The following CLEC16A variants were observed in gnomAD, a reference collection of about 807,000 sequenced individuals.
CLEC16A encodes the protein C-type lectin domain containing 16A, also known as protein CLEC16A.
Under a neutral mutation model 109.5 loss-of-function variants are expected in CLEC16A, and 51 were observed. That is an observed-to-expected ratio of 0.47 (90% CI 0.37 to 0.59). The LOEUF is 0.59. Ranked by LOEUF, CLEC16A falls within the 20% of genes least tolerant of loss-of-function variation. The pLI, the probability that CLEC16A is intolerant of heterozygous loss-of-function variation, is 0.00. For missense variants in CLEC16A, 1,339 were observed against 1,394.0 expected, an observed-to-expected ratio of 0.96 and a Z score of 0.63; for synonymous variants, 673 against 564.2, an observed-to-expected ratio of 1.19 and a Z score of -2.73.
intron 13 of CLEC16A, among the ~76,000 whole-genome samples, chr16:11,034,533 C>A (rs1253285355): frequency 6.6e-6 from 1 of 152,114 alleles, no homozygotes; most frequent in East Asian, 1.9e-4. Flanking sequence ...ACACCCTTCC[C>A]TTCTGTTTTG....
intron 12 of CLEC16A, among the ~76,000 whole-genome samples, chr16:11,021,608 G>A (rs532381051): frequency 3.9e-4 from 60 of 152,304 alleles, no homozygotes; most frequent in African/African-American, 1.3e-3. Flanking sequence ...GACTGGCCTA[G>A]TCACATAGTG....
At chr16:11,037,699 CCT>C (rs1289290335) in intron 13 of CLEC16A, among the ~76,000 whole-genome samples, 1 of 152,152 alleles carries the variant, frequency 6.6e-6, no homozygotes, top group East Asian at 1.9e-4. Flanking sequence ...TTTCTGCTAT[CCT>C]CTCTGAAGCG....
chr16:10,962,184 A>G (rs190612068), intron 2 of CLEC16A, among the ~76,000 whole-genome samples: 3 of 152,104 alleles, frequency 2.0e-5, no homozygotes, highest in Admixed American at 6.5e-5. Context: ...ACTGGCCTCA[A>G]GCGATCATCC....
chr16:11,131,073 G>A (rs2053174998), intron 22 of CLEC16A, among the ~76,000 whole-genome samples: 2 of 152,096 alleles, frequency 1.3e-5, no homozygotes, highest in African/African-American at 4.8e-5. Flanking sequence ...GTTTTATGTT[G>A]ATGGCTCTCA....
Position 11,061,018 on chromosome 16 carries a change from T to A in CLEC16A, c.2112T>A (p.Asp704Glu). ...EDLIKTDDVLDLNNSDLIACT... is the reference protein window; with the variant it reads ...EDLIKTDDVLELNNSDLIACT... The stretch of plus-strand genomic sequence containing the variant: ...TGATCAAGACTGATGATGTCCTGGA[T>A]CTGAGTGAGTTGGCTGCTCTGAGTC... The change falls in exon 19 of 24, where the codon GAT (aspartate) becomes GAA (glutamate). Residue 704 changes from aspartate (D) to glutamate (E), a missense_variant. By Grantham distance (45) the Asp-to-Glu change is conservative. This residue lies in a region of CLEC16A where 1,061 missense variants were observed against 1,006.8 expected (regional missense o/e 1.05). Transcript: ENST00000409790. The A allele has an allele frequency of 6.2e-7, 1 of 1,605,646 alleles. No homozygotes were observed. Among genetic ancestry groups the A allele is most frequent in the Non-Finnish European group, 8.5e-7 (1 of 1,176,976 alleles).
intron 10 of CLEC16A, among the ~76,000 whole-genome samples, chr16:10,994,837 C>T (rs13339285): frequency 0.25 from 37,630 of 152,148 alleles, 5,156 homozygotes; most frequent in African/African-American, 0.36. Flanking sequence ...ATTAGTGTGA[C>T]GTCGGCATGG....
Position 10,957,778 on chromosome 16 carries a change from T to G in CLEC16A, c.81-4T>G. 6.2e-7 allele frequency: 1 copy of G among 1,613,852 alleles called. No individual in the cohort carries two copies. The highest frequency in any genetic ancestry group is 1.3e-5 in the African/African-American group (1 of 75,036). On this transcript the variant is annotated splice_polypyrimidine_tract_variant and splice_region_variant and intron_variant, in intron 1 of 23. Transcript: ENST00000409790. ...TTAATTTCCTTTTCTCTCATTTCTC[T>G]CAGGTATCTGTACCACGTTTTGACC...
At chr16:11,113,117 A>G (rs966661780) in intron 19 of CLEC16A, among the ~76,000 whole-genome samples, 16 of 152,206 alleles carry the variant, frequency 1.1e-4, no homozygotes, top group African/African-American at 3.9e-4. Context: ...GGAAACATCC[A>G]CAGCTATGTC....
chr16:11,121,450 A>G (rs2052402007), intron 20 of CLEC16A, among the ~76,000 whole-genome samples: 1 of 152,158 alleles, frequency 6.6e-6, no homozygotes. Context: ...CCACTCTAAA[A>G]TGATTGTTGC....
At chr16:11,137,587 TAAAAAAAAAAA>T (rs5815617) in intron 22 of CLEC16A, among the ~76,000 whole-genome samples, 1 of 59,312 alleles carries the variant, frequency 1.7e-5, no homozygotes, top group Non-Finnish European at 3.1e-5. Context: ...AGACTCCATC[TAAAAAAAAAAA>T]AAAAAAAAAA....
intron 10 of CLEC16A, among the ~76,000 whole-genome samples, chr16:10,988,919 G>T (rs116441796): frequency 6.6e-6 from 1 of 152,142 alleles, no homozygotes. Flanking sequence ...CTAAGGCTGC[G>T]CAGTGACCTT....
intron 23 of CLEC16A, among the ~76,000 whole-genome samples, chr16:11,168,437 G>GGAGACAA (rs1567414867): frequency 1.3e-5 from 2 of 152,338 alleles, no homozygotes; most frequent in Middle Eastern, 3.4e-3. Context: ...GCAGGCCTGC[G>GGAGACAA]GAGACAAGTG....
At chr16:11,117,622 A>G (rs1272481482) in intron 19 of CLEC16A, among the ~76,000 whole-genome samples, 1 of 152,230 alleles carries the variant, frequency 6.6e-6, no homozygotes, top group East Asian at 1.9e-4. Flanking sequence ...AGAGTGGGAC[A>G]TAGAATAAAA....
chr16:11,079,823 C>T (rs1176939795), intron 19 of CLEC16A, among the ~76,000 whole-genome samples: 1 of 152,204 alleles, frequency 6.6e-6, no homozygotes, highest in Non-Finnish European at 1.5e-5. Flanking sequence ...TGAACATCTA[C>T]AGCTTTCACT....
At chr16:10,963,470 G>T (rs528505412) in intron 3 of CLEC16A, among the ~76,000 whole-genome samples, 2 of 152,270 alleles carry the variant, frequency 1.3e-5, no homozygotes, top group African/African-American at 4.8e-5. Flanking sequence ...TTTATGACTT[G>T]CTATTAAAGA....
Position 10,973,053 on chromosome 16 carries a change from T to G in CLEC16A, c.720T>G (p.Thr240=). 2.5e-6 allele frequency: 4 copies of G among 1,604,798 alleles called. No individual in the cohort carries two copies. Among genetic ancestry groups the G allele is most frequent in the Non-Finnish European group, 3.4e-6 (4 of 1,175,152 alleles). The change falls in exon 7 of 24, where the codon ACT becomes ACG. Residue 240 remains threonine (T), a synonymous_variant. Transcript: ENST00000409790. Reference sequence around the variant, plus strand: ...TCGAACTCGATGACTGCGTGCAGACTGATGAGGAGTAAGTGACACCCCCAG... The same window carrying G: ...TCGAACTCGATGACTGCGTGCAGACGGATGAGGAGTAAGTGACACCCCCAG... The part of the protein sequence containing the change: ...HVIELDDCVQ[T]DEEHRNRGKL...
In CLEC16A at chr16:11,126,087, G is replaced by T. The variant is rs375812913; in HGVS notation, c.2582G>T (p.Arg861Leu). Residue 861 changes from arginine to leucine, a missense_variant, in exon 22 of 24, where the codon CGG (arginine) becomes CTG (leucine). By Grantham distance (102) the Arg-to-Leu change is moderately radical (BLOSUM62 -2). Coordinates refer to ENST00000409790, the MANE Select transcript of CLEC16A (RefSeq NM_015226.3). ...TTCCGCTTCTACGACCAGGGGCGCC[G>T]GGGCAGCAGCGACCCCACAGTGCAG... ...LPFRFYDQGR[R>L]GSSDPTVQRS... The T allele has an allele frequency of 1.2e-6, 2 of 1,613,746 alleles. No individual in the cohort carries two copies. The highest frequency in any genetic ancestry group is 3.3e-5 in the Admixed American group (2 of 59,994).
chr16:11,092,548 A>G (rs1304429299), intron 19 of CLEC16A, among the ~76,000 whole-genome samples: 1 of 152,166 alleles, frequency 6.6e-6, no homozygotes, highest in Admixed American at 6.5e-5. Context: ...AAACACACAC[A>G]AACACAAAAA....
intron 10 of CLEC16A, among the ~76,000 whole-genome samples, chr16:10,990,511 C>G (rs531659664): frequency 3.3e-5 from 5 of 152,292 alleles, no homozygotes; most frequent in Admixed American, 1.3e-4. Context: ...ACCAAAGGCC[C>G]GGGGTTTTGG....
Sources: allele counts gnomAD v4.1 joint callset (sites outside exome capture counted in the v4.1 genomes callset), GRCh38; gene constraint gnomAD v4.1.1; regional missense constraint gnomAD v4.1.1; transcripts MANE v1.5; gene names NCBI Gene and HGNC (gene_info 2026-07-23, HGNC 2026-07-21).